The following STARD13 variants were observed in gnomAD, a reference collection of about 807,000 sequenced individuals.
The protein encoded by STARD13 is stAR-related lipid transfer protein 13.
In STARD13, 62 loss-of-function variants were observed where a neutral mutation model predicts 106.4. The ratio of observed to expected loss-of-function variants is 0.58; its 90% CI spans 0.48 to 0.72. The LOEUF is 0.72. STARD13 is among the 30% of genes least tolerant of loss of function. The pLI, the probability that STARD13 is intolerant of heterozygous loss-of-function variation, is 0.00. For missense variants in STARD13, 1,387 were observed against 1,424.0 expected (o/e 0.97, Z 0.42); for synonymous variants, 565 against 553.0 (o/e 1.02, Z -0.31).
the STARD13 span, among the ~76,000 whole-genome samples, chr13:33,400,685 G>A: frequency 6.6e-6 from 1 of 152,056 alleles, no homozygotes; most frequent in Non-Finnish European, 1.5e-5. Flanking sequence ...GGATGGTCTT[G>A]ATCTCCTGAC....
chr13:33,651,748 A>C, the STARD13 span, among the ~76,000 whole-genome samples: 1 of 152,218 alleles, frequency 6.6e-6, no homozygotes, highest in Non-Finnish European at 1.5e-5. Flanking sequence ...ACTGTGCCTA[A>C]TAGAGTATGT....
At chr13:33,643,781 C>T in the STARD13 span, among the ~76,000 whole-genome samples, 3 of 152,198 alleles carry the variant, frequency 2.0e-5, no homozygotes, top group Non-Finnish European at 4.4e-5. Context: ...CTTAAACTTC[C>T]CCAACAACTC....
the STARD13 span, among the ~76,000 whole-genome samples, chr13:33,533,937 T>C: frequency 1.9e-3 from 297 of 152,346 alleles, 1 homozygote; most frequent in Non-Finnish European, 2.9e-3. Context: ...TTTTCTTCAA[T>C]TACTCTCAAA....
chr13:33,161,751 A>G (rs1594006243), intron 3 of STARD13, among the ~76,000 whole-genome samples: 1 of 152,242 alleles, frequency 6.6e-6, no homozygotes, highest in East Asian at 1.9e-4. Context: ...GCTGATAAAG[A>G]CATACCCGAG....
chr13:33,460,740 CA>C, the STARD13 span, among the ~76,000 whole-genome samples: 17 of 148,572 alleles, frequency 1.1e-4, no homozygotes, highest in East Asian at 1.2e-3. Context: ...TCAAAAAAAA[CA>C]AAAAAAAAGG....
chr13:33,120,960 C>T (rs926514991), intron 7 of STARD13, among the ~76,000 whole-genome samples: 5 of 152,172 alleles, frequency 3.3e-5, no homozygotes, highest in Non-Finnish European at 7.4e-5. Context: ...AGGCTGGTCT[C>T]GAACTCCTGA....
chr13:33,338,690 C>T (rs2077923440), intron 1 of STARD13, among the ~76,000 whole-genome samples: 1 of 151,900 alleles, frequency 6.6e-6, no homozygotes, highest in Admixed American at 6.6e-5. Context: ...CGAGACCATC[C>T]TGGCTAACAT....
At chr13:33,280,193 G>C (rs1891700812) in intron 1 of STARD13, 1 of 152,208 alleles carries the variant, frequency 6.6e-6, no homozygotes, top group African/African-American at 2.4e-5. Context: ...TGGGCCATGG[G>C]GATGGGCCAT....
the STARD13 span, among the ~76,000 whole-genome samples, chr13:33,575,624 A>C: frequency 5.3e-5 from 8 of 152,168 alleles, no homozygotes; most frequent in African/African-American, 1.9e-4. Context: ...AGACTGGATT[A>C]GTTCTTAGGG....
chr13:33,259,996 CAAAAAAAA>C (rs35410044), intron 1 of STARD13, among the ~76,000 whole-genome samples: 3 of 102,042 alleles, frequency 2.9e-5, no homozygotes, highest in African/African-American at 1.1e-4. Flanking sequence ...ATTCCATCTC[CAAAAAAAA>C]AAAAAAAAAA....
chr13:33,483,306 T>C, the STARD13 span, among the ~76,000 whole-genome samples: 17 of 152,242 alleles, frequency 1.1e-4, no homozygotes, highest in African/African-American at 3.9e-4. Flanking sequence ...ACATAACAGA[T>C]CTATTTAATG....
chr13:33,302,272 A>G (rs1892750316), intron 1 of STARD13, among the ~76,000 whole-genome samples: 1 of 152,184 alleles, frequency 6.6e-6, no homozygotes, highest in Admixed American at 6.5e-5. Context: ...TAAATACAGA[A>G]TTTGGGCTCA....
At chr13:33,360,455 C>T in the STARD13 span, among the ~76,000 whole-genome samples, 41 of 151,792 alleles carry the variant, frequency 2.7e-4, no homozygotes, top group Non-Finnish European at 4.7e-4. Context: ...CCACACACCT[C>T]GGCCTCCCAA....
At chr13:33,410,269 G>A in the STARD13 span, among the ~76,000 whole-genome samples, 4,579 of 152,268 alleles carry the variant, frequency 0.03, 204 homozygotes, top group East Asian at 0.2. Context: ...CATTTTATTG[G>A]TGTCACGGAA....
chr13:33,374,322 C>A, the STARD13 span, among the ~76,000 whole-genome samples: 1 of 151,972 alleles, frequency 6.6e-6, no homozygotes, highest in African/African-American at 2.4e-5. Flanking sequence ...AAGTTTTAGT[C>A]TGGGATAATG....
intron 1 of STARD13, among the ~76,000 whole-genome samples, chr13:33,218,018 C>T (rs1290437841): frequency 1.3e-5 from 2 of 152,200 alleles, no homozygotes; most frequent in Admixed American, 6.5e-5. Context: ...AATTCACACA[C>T]ATCTCATTTT....
chr13:33,183,517 T>G (rs1386215613), intron 1 of STARD13, among the ~76,000 whole-genome samples: 1 of 152,242 alleles, frequency 6.6e-6, no homozygotes, highest in Non-Finnish European at 1.5e-5. Context: ...CAGGCTTTCA[T>G]AGCTTTCTGT....
In STARD13 at chr13:33,175,192, T is replaced by C. The variant is rs113719360; in HGVS notation, c.170-7570A>G. 2.6e-3 allele frequency among the ~76,000 whole-genome samples: 390 copies of C among 152,330 alleles called. 1 individual carries two copies. Among genetic ancestry groups the C allele is most frequent in the African/African-American group, 8.5e-3 (355 of 41,568 alleles). On this transcript the variant is annotated intron_variant, in intron 1 of 13. Coordinates refer to ENST00000336934, the MANE Select transcript of STARD13 (RefSeq NM_178006.4). ...TTCCATGAAGCAGAGTAGTTCTTTATTCTCCTCTTTCATTTGATACAGATT... is the reference window on the plus strand; with the variant it reads ...TTCCATGAAGCAGAGTAGTTCTTTACTCTCCTCTTTCATTTGATACAGATT...
chr13:33,480,746 T>A, the STARD13 span, among the ~76,000 whole-genome samples: 3 of 152,140 alleles, frequency 2.0e-5, no homozygotes, highest in Non-Finnish European at 4.4e-5. Flanking sequence ...AAACAATGAC[T>A]AGTGTAGTAG....
Sources: allele counts gnomAD v4.1 joint callset (sites outside exome capture counted in the v4.1 genomes callset), GRCh38; gene constraint gnomAD v4.1.1; transcripts MANE v1.5; gene names NCBI Gene and HGNC (gene_info 2026-07-23, HGNC 2026-07-21).